The following USP34 variants were observed in gnomAD, a reference collection of about 807,000 sequenced individuals.
USP34 encodes ubiquitin specific peptidase 34, also known as ubiquitin carboxyl-terminal hydrolase 34.
Under a neutral mutation model 460.3 loss-of-function variants are expected in USP34, and 70 were observed. The ratio of observed to expected loss-of-function variants is 0.15; its 90% CI spans 0.13 to 0.19. The LOEUF (loss-of-function observed/expected upper bound fraction) is 0.19, where lower values mean the gene tolerates loss of function less well. Among genes scored for constraint, USP34 ranks in the 10% least tolerant of loss-of-function variants. The probability of loss-of-function intolerance (pLI) is 1.00; values close to 1 mark genes in which losing one functional copy is unlikely to be tolerated. For synonymous variants in USP34, 1,647 were observed against 1,405.3 expected (o/e 1.17, Z -3.85); for missense variants, 3,985 against 4,236.2 (o/e 0.94, Z 1.65).
chr2:61,418,549 CT>C (rs1694264986), intron 2 of USP34, among the ~76,000 whole-genome samples: 1 of 152,196 alleles, frequency 6.6e-6, no homozygotes, highest in African/African-American at 2.4e-5. Context: ...CTAAGGTTCA[CT>C]TATGGACTCA....
chr2:61,277,712 C>A (rs945297463), intron 41 of USP34: 1 of 153,140 alleles, frequency 6.5e-6, no homozygotes, highest in Non-Finnish European at 1.5e-5. Flanking sequence ...TATCCACATA[C>A]AATGTGATAC....
At chr2:61,366,171 A>G (rs1692433820) in intron 10 of USP34, among the ~76,000 whole-genome samples, 1 of 152,230 alleles carries the variant, frequency 6.6e-6, no homozygotes, top group Non-Finnish European at 1.5e-5. Flanking sequence ...TGATCCGCCC[A>G]CGTTGGCCTC....
chr2:61,340,068 G>C (rs1244010283), intron 16 of USP34, among the ~76,000 whole-genome samples: 1 of 152,016 alleles, frequency 6.6e-6, no homozygotes, highest in African/African-American at 2.4e-5. Flanking sequence ...GCTATCTATA[G>C]TGATTAATAT....
Position 61,380,172 on chromosome 2 carries a change from T to A in USP34, c.1011A>T (p.Ile337=). Residue 337 remains isoleucine, a synonymous_variant, in exon 7 of 80, where the codon ATA becomes ATT. Transcript: ENST00000398571. ...AAATAAAACAAATACAGCTTACTGT[T>A]ATCTGACTCAATCCAGCCAACCTCA... ...LTMRLAGLSQ[I]TNQLHTFNDV... The A allele has an allele frequency of 2.5e-6, 4 of 1,612,124 alleles. No homozygotes were observed. Among genetic ancestry groups the A allele is most frequent in the Non-Finnish European group, 3.4e-6 (4 of 1,178,704 alleles).
chr2:61,376,471 G>A (rs931622620), intron 8 of USP34, among the ~76,000 whole-genome samples: 3 of 152,158 alleles, frequency 2.0e-5, no homozygotes, highest in African/African-American at 7.2e-5. Flanking sequence ...CACCTAGCCT[G>A]AATGTGTTAT....
intron 51 of USP34, among the ~76,000 whole-genome samples, chr2:61,242,216 A>G (rs897261553): frequency 1.3e-5 from 2 of 152,198 alleles, no homozygotes; most frequent in Admixed American, 1.3e-4. Context: ...AAATGAGGAA[A>G]GCATATTATT....
chr2:61,470,171 C>T (rs1219865789), intron 1 of USP34, among the ~76,000 whole-genome samples: 1 of 152,182 alleles, frequency 6.6e-6, no homozygotes, highest in Non-Finnish European at 1.5e-5. Context: ...GAGGGAAAAA[C>T]CACCACCCTG....
At position 61,187,492 on chromosome 2, in the gene USP34, G is replaced by A; in HGVS notation, c.*610C>T. 1.0e-6 allele frequency: 1 copy of A among 959,262 alleles called. No homozygotes were observed. The highest frequency in any genetic ancestry group is 1.2e-6 in the Non-Finnish European group (1 of 821,740). The allele number at this position is 959,262 out of a possible 1,614,324, so 59.4% of individuals were successfully genotyped here. On this transcript the variant is annotated 3_prime_UTR_variant, in exon 80 of 80. Transcript: ENST00000398571. ...AAGTCATCACAATCAGTTTAATTAA[G>A]TGCACAGAATAGCAATCAATCAATC...
intron 2 of USP34, among the ~76,000 whole-genome samples, chr2:61,409,354 C>G (rs184636644): frequency 6.6e-6 from 1 of 152,200 alleles, no homozygotes; most frequent in East Asian, 1.9e-4. Flanking sequence ...TCTGAAAACC[C>G]AGAAAACGAA....
intron 67 of USP34, among the ~76,000 whole-genome samples, chr2:61,217,990 T>A (rs934036373): frequency 1.3e-5 from 2 of 151,774 alleles, no homozygotes; most frequent in African/African-American, 4.8e-5. Context: ...TAAAAATAAA[T>A]AAATAAAAGG....
rs768012723 is a variant in USP34, at chr2:61,288,610, T to A, written c.4749+67A>T. The A allele has an allele frequency of 2.0e-5, 30 of 1,502,362 alleles. No individual in the cohort carries two copies. In the Admixed American group the frequency reaches 2.4e-4, roughly 12 times the overall value. 93.1% of individuals were successfully genotyped at this position (1,502,362 alleles called of 1,614,324 possible). A position where few individuals can be genotyped will look rare whatever the true frequency, so the allele number is the denominator to read the frequency against. On this transcript the variant is annotated intron_variant, in intron 34 of 79. Coordinates refer to ENST00000398571, the MANE Select transcript of USP34 (RefSeq NM_014709.4). Reference sequence around the variant, plus strand: ...AATCTAGAATACATTTCTTAAGCATTAGCATATTTCTTCAGTTTATAAAAA... The same window carrying A: ...AATCTAGAATACATTTCTTAAGCATAAGCATATTTCTTCAGTTTATAAAAA...
chr2:61,382,444 T>C (rs1393376431), intron 6 of USP34, among the ~76,000 whole-genome samples: 1 of 152,176 alleles, frequency 6.6e-6, no homozygotes, highest in Non-Finnish European at 1.5e-5. Flanking sequence ...CTAATAATCA[T>C]TTGAATAGCT....
intron 1 of USP34, among the ~76,000 whole-genome samples, chr2:61,457,943 A>G (rs1695484993): frequency 6.6e-6 from 1 of 152,182 alleles, no homozygotes; most frequent in African/African-American, 2.4e-5. Flanking sequence ...AGTACTTGAT[A>G]TATCCGAGAA....
At chr2:61,245,346 T>C (rs1231705073) in intron 50 of USP34, 58 bp from the exon 51 acceptor site, 1 of 1,007,998 alleles carries the variant, frequency 9.9e-7, no homozygotes, top group Non-Finnish European at 1.4e-6. Flanking sequence ...CTTCATATTA[T>C]GTCTACTATT....
chr2:61,369,377 G>A (rs1298826264), intron 10 of USP34, among the ~76,000 whole-genome samples: 1 of 152,162 alleles, frequency 6.6e-6, no homozygotes. Flanking sequence ...AGGAGTGGTG[G>A]CTCATGCCTG....
intron 57 of USP34, among the ~76,000 whole-genome samples, chr2:61,233,132 T>A (rs1428795373): frequency 2.0e-5 from 3 of 152,140 alleles, no homozygotes; most frequent in Non-Finnish European, 4.4e-5. Flanking sequence ...AGTGCTGGTA[T>A]TATAGGCGTG....
chr2:61,384,449 C>T (rs1185766045), intron 5 of USP34, among the ~76,000 whole-genome samples: 3 of 151,992 alleles, frequency 2.0e-5, no homozygotes, highest in Non-Finnish European at 4.4e-5. Flanking sequence ...GCAGGTGGAT[C>T]ACTTGAGGTC....
At chr2:61,255,272 T>C (rs904714167) in intron 48 of USP34, among the ~76,000 whole-genome samples, 4 of 152,220 alleles carry the variant, frequency 2.6e-5, no homozygotes, top group African/African-American at 4.8e-5. Context: ...GGGAACCAGC[T>C]TGAATGTATT....
chr2:61,454,985 G>C (rs1406528061), intron 1 of USP34, among the ~76,000 whole-genome samples: 1 of 148,632 alleles, frequency 6.7e-6, no homozygotes, highest in Non-Finnish European at 1.5e-5. Context: ...AAGTTGAAGC[G>C]ATTCTCCCGC....
Sources: gnomAD v4.1 joint callset for allele counts (sites outside exome capture counted in the v4.1 genomes callset) on GRCh38, gnomAD v4.1.1 for gene constraint, MANE v1.5 for transcripts, NCBI Gene and HGNC (gene_info 2026-07-23, HGNC 2026-07-21) for gene names.